Variants in ELF2 observed in about 807,000 individuals in gnomAD.
ELF2 encodes E74 like ETS transcription factor 2.
A neutral mutation model predicts 54.8 loss-of-function variants in ELF2; 11 were observed. That is an observed-to-expected ratio of 0.20 (90% CI 0.13 to 0.33). The LOEUF is 0.33. Among genes scored for constraint, ELF2 ranks in the 10% least tolerant of loss-of-function variants. ELF2 has a pLI of 1.00. For synonymous variants in ELF2, 203 were observed against 245.1 expected (o/e 0.83, Z 1.61); for missense variants, 513 against 703.0 (o/e 0.73, Z 3.06).
chr4:139,141,867 C>A (rs1447716381), intron 1 of ELF2, among the ~76,000 whole-genome samples: 4 of 152,130 alleles, frequency 2.6e-5, no homozygotes, highest in African/African-American at 9.7e-5. Flanking sequence ...ACTCTCTCTT[C>A]CAGATTTGTC....
intron 1 of ELF2, among the ~76,000 whole-genome samples, chr4:139,140,891 T>C (rs960852254): frequency 6.6e-6 from 1 of 152,240 alleles, no homozygotes; most frequent in African/African-American, 2.4e-5. Flanking sequence ...CACTTTCTAA[T>C]TTCTCAAGCA....
chr4:139,118,803 G>C (rs2051538684), intron 4 of ELF2, among the ~76,000 whole-genome samples: 2 of 152,026 alleles, frequency 1.3e-5, no homozygotes, highest in South Asian at 4.1e-4. Flanking sequence ...CACAGGGAAG[G>C]TGCTAATGAA....
At position 139,129,268 on chromosome 4, in the gene ELF2, CTCT is replaced by C. The variant is rs570889127; in HGVS notation, c.73-3942_73-3940del. ...CTCTACTTTCAAGCGTCTCCTCTGACTCTTCTTTCATCTCCATAGACTCAAGTC... is the reference window on the plus strand; with the variant it reads ...CTCTACTTTCAAGCGTCTCCTCTGACTCTTTCATCTCCATAGACTCAAGTC... On this transcript the variant is annotated intron_variant, in intron 3 of 9. Transcript: ENST00000686138. Among the ~76,000 whole-genome samples, 905 of 152,328 alleles carry C rather than the reference CTCT, an allele frequency of 5.9e-3. 5 individuals are homozygous for C. Among genetic ancestry groups the C allele is most frequent in the Middle Eastern group, 0.01 (3 of 294 alleles).
intron 6 of ELF2, among the ~76,000 whole-genome samples, chr4:139,070,007 A>AT (rs1189587446): frequency 2.0e-4 from 29 of 146,524 alleles, no homozygotes; most frequent in Admixed American, 2.7e-4. Flanking sequence ...TACCTGGCTA[A>AT]TTTTTTTTTT....
chr4:139,134,157 T>C (rs958458399), intron 3 of ELF2, among the ~76,000 whole-genome samples: 4 of 152,170 alleles, frequency 2.6e-5, no homozygotes, highest in Non-Finnish European at 2.9e-5. Flanking sequence ...TTTAGAAAGT[T>C]TGTATAATGA....
intron 1 of ELF2, among the ~76,000 whole-genome samples, chr4:139,174,490 C>A (rs1216577714): frequency 6.6e-6 from 1 of 151,946 alleles, no homozygotes; most frequent in Non-Finnish European, 1.5e-5. Context: ...GATTAAAATG[C>A]TGTAAAATTG....
At position 139,137,652 on chromosome 4, in the gene ELF2, C is replaced by G; in HGVS notation, c.50G>C (p.Ser17Thr). ...AACCTCTTGATTTTCTACTCCATTG[C>G]TGGAAAGCTCCAAAATAGTACCTCC... ...DSGGTILELS[S>T]NGVENQEESE... The change falls in exon 3 of 10, where the codon AGC becomes ACC. Residue 17 changes from serine to threonine, a missense_variant. Coordinates refer to ENST00000686138, the MANE Select transcript of ELF2 (RefSeq NM_001331036.3). 6.2e-7 allele frequency: 1 copy of G among 1,614,018 alleles called. No homozygotes were observed. The highest frequency in any genetic ancestry group is 8.5e-7 in the Non-Finnish European group (1 of 1,180,000).
At chr4:139,168,553 TC>T (rs1476695606) in intron 1 of ELF2, among the ~76,000 whole-genome samples, 1 of 151,966 alleles carries the variant, frequency 6.6e-6, no homozygotes, top group Non-Finnish European at 1.5e-5. Context: ...CCTCCAAACT[TC>T]CCTTGTGTGC....
intron 4 of ELF2, among the ~76,000 whole-genome samples, chr4:139,075,698 G>T (rs569550995): frequency 2.0e-5 from 3 of 152,174 alleles, no homozygotes; most frequent in African/African-American, 7.2e-5. Context: ...CAAAGTGCTG[G>T]GATTACAGGC....
intron 7 of ELF2, among the ~76,000 whole-genome samples, chr4:139,062,577 T>C (rs1413594803): frequency 3.3e-5 from 5 of 152,276 alleles, no homozygotes; most frequent in Non-Finnish European, 7.3e-5. Flanking sequence ...ATCCTAGATT[T>C]TGAGTTCAGT....
At chr4:139,163,837 C>T (rs1741414406) in intron 1 of ELF2, among the ~76,000 whole-genome samples, 1 of 151,808 alleles carries the variant, frequency 6.6e-6, no homozygotes, top group South Asian at 2.1e-4. Flanking sequence ...TCACTTGAGC[C>T]CGCCAAGTTA....
At chr4:139,117,091 A>G in intron 4 of ELF2, among the ~76,000 whole-genome samples, 1 of 152,308 alleles carries the variant, frequency 6.6e-6, no homozygotes, top group Admixed American at 6.5e-5. Flanking sequence ...TTTCTTGATA[A>G]TTAACTAATA....
At chr4:139,112,328 T>C (rs950777840) in intron 4 of ELF2, among the ~76,000 whole-genome samples, 2 of 152,246 alleles carry the variant, frequency 1.3e-5, no homozygotes, top group African/African-American at 4.8e-5. Flanking sequence ...TAATTAATCC[T>C]ATCATAATTC....
chr4:139,141,784 T>TC (rs776375146), intron 1 of ELF2, among the ~76,000 whole-genome samples: 1 of 152,124 alleles, frequency 6.6e-6, no homozygotes, highest in Non-Finnish European at 1.5e-5. Context: ...CAGGATCCCA[T>TC]CCCTAGTCCT....
rs1553971344 is a variant in ELF2, at chr4:139,151,052, G to GAAAGAAAA, written c.-251-11556_-251-11555insTTTTCTTT. ...AAAAAAAAAGAAAGAAAGAAAGAAA[G>GAAAGAAAA]AAAGAAAGAAAGAAAGAAAGAAAGA... On this transcript the variant is annotated intron_variant, in intron 1 of 9. Transcript: ENST00000686138. 1.6e-4 allele frequency among the ~76,000 whole-genome samples: 13 copies of GAAAGAAAA among 79,426 alleles called. 1 individual carries two copies. The highest frequency in any genetic ancestry group is 4.7e-4 in the African/African-American group (13 of 27,376). 52.1% of individuals were successfully genotyped at this position (79,426 alleles called of 152,430 possible).
chr4:139,110,745 A>G (rs1033659918), intron 4 of ELF2, among the ~76,000 whole-genome samples: 4 of 152,194 alleles, frequency 2.6e-5, no homozygotes, highest in African/African-American at 9.6e-5. Context: ...TCCCTATAAA[A>G]ATGAGAACTT....
intron 1 of ELF2, among the ~76,000 whole-genome samples, chr4:139,144,777 G>A (rs1050084669): frequency 2.0e-5 from 3 of 152,132 alleles, no homozygotes; most frequent in African/African-American, 7.2e-5. Flanking sequence ...CTTTTTCCTG[G>A]AACATTACCC....
intron 1 of ELF2, among the ~76,000 whole-genome samples, chr4:139,163,726 C>G (rs1413617327): frequency 6.6e-6 from 1 of 152,018 alleles, no homozygotes; most frequent in East Asian, 1.9e-4. Flanking sequence ...CCAGCCTGTT[C>G]AACACAATGA....
intron 4 of ELF2, among the ~76,000 whole-genome samples, chr4:139,090,258 G>C (rs1351598828): frequency 2.0e-5 from 3 of 152,164 alleles, no homozygotes; most frequent in African/African-American, 7.2e-5. Context: ...ATGTAATTCT[G>C]TCCAAAGTGG....
Sources: gnomAD v4.1 joint callset for allele counts (sites outside exome capture counted in the v4.1 genomes callset) on GRCh38, gnomAD v4.1.1 for gene constraint, MANE v1.5 for transcripts, NCBI Gene and HGNC (gene_info 2026-07-23, HGNC 2026-07-21) for gene names.